Variants in DAB2IP observed in about 807,000 individuals in gnomAD.
The protein encoded by DAB2IP is DAB2 interacting protein.
DAB2IP carries 28 observed loss-of-function variants against 107.2 expected under a neutral mutation model. That is an observed-to-expected ratio of 0.26 (90% CI 0.19 to 0.36). DAB2IP has a LOEUF of 0.36. DAB2IP is among the 10% of genes least tolerant of loss of function. DAB2IP has a pLI of 1.00. For missense variants in DAB2IP, 1,400 were observed against 1,644.7 expected (o/e 0.85, Z 2.57); for synonymous variants, 755 against 706.4 (o/e 1.07, Z -1.09).
At position 121,699,300 on chromosome 9, in the gene DAB2IP, C is replaced by G; in HGVS notation, c.229-25C>G. ...CGCCGCGCTAACCCCGCCTCCCCTT[C>G]CCCCTCTTGTCCCCCCGTGCGCAGG... On this transcript the variant is annotated intron_variant, in intron 2 of 15. Transcript: ENST00000408936. This position sits in a 1 kb window ranked among gnomAD's most constrained non-coding sequence, Gnocchi z 6.2. 13 of 1,361,780 alleles carry G rather than the reference C, an allele frequency of 9.5e-6. No homozygotes were observed. Among genetic ancestry groups the G allele is most frequent in the Admixed American group, 2.3e-5 (1 of 43,594 alleles). The allele number at this position is 1,361,780 out of a possible 1,614,324, so 84.4% of individuals were successfully genotyped here.
chr9:121,578,415 T>G (rs775820486), intron 1 of DAB2IP, among the ~76,000 whole-genome samples: 1 of 151,944 alleles, frequency 6.6e-6, no homozygotes, highest in Non-Finnish European at 1.5e-5. Flanking sequence ...CCCAGCAGAA[T>G]GGGGAACACA....
chr9:121,597,176 GA>G (rs1830548545), intron 1 of DAB2IP, among the ~76,000 whole-genome samples: 1 of 152,070 alleles, frequency 6.6e-6, no homozygotes, highest in South Asian at 2.1e-4. Context: ...TAAATGTATT[GA>G]TGTTTTTCTT....
chr9:121,743,335 T>C (rs756241591), intron 3 of DAB2IP, among the ~76,000 whole-genome samples: 6 of 152,226 alleles, frequency 3.9e-5, no homozygotes, highest in Admixed American at 6.5e-5. Flanking sequence ...GGGACCTTCG[T>C]GGACTTTGAA....
intron 1 of DAB2IP, among the ~76,000 whole-genome samples, chr9:121,588,990 C>T (rs1830368662): frequency 6.6e-6 from 1 of 152,014 alleles, no homozygotes; most frequent in African/African-American, 2.4e-5. Context: ...AAACCCAAGG[C>T]ATTCCCCTCC....
At chr9:121,626,886 A>T (rs1462370002) in intron 1 of DAB2IP, among the ~76,000 whole-genome samples, 4 of 151,570 alleles carry the variant, frequency 2.6e-5, no homozygotes, top group Non-Finnish European at 4.4e-5. Context: ...TCTATTTTTT[A>T]AAAAATAGCC....
Position 121,701,176 on chromosome 9 carries a change from T to C in DAB2IP, c.362+1718T>C, listed in dbSNP as rs1357238564. Among the ~76,000 whole-genome samples, 1 of 152,204 alleles carries C rather than the reference T, an allele frequency of 6.6e-6. No individual in the cohort carries two copies. The highest frequency in any genetic ancestry group is 1.9e-4 in the East Asian group (1 of 5,186). On this transcript the variant is annotated intron_variant, in intron 3 of 15. Transcript: ENST00000408936. The surrounding 1 kb of genome is among the most constrained non-coding windows in gnomAD (Gnocchi z 4.7). Reference sequence around the variant, plus strand: ...GGGGAGCAGGAGAGACAACAGGCAGTCCGGCTTCTGAGTGTGTCTGCTCTC... The same window carrying C: ...GGGGAGCAGGAGAGACAACAGGCAGCCCGGCTTCTGAGTGTGTCTGCTCTC...
chr9:121,734,884 T>A (rs1831782066), intron 3 of DAB2IP, among the ~76,000 whole-genome samples: 1 of 152,196 alleles, frequency 6.6e-6, no homozygotes, highest in African/African-American at 2.4e-5. Context: ...CTTGCCTGTT[T>A]GTTGCCATGA....
In DAB2IP at chr9:121,782,737, T is replaced by A; in HGVS notation, c.*239T>A. The A allele has an allele frequency of 7.3e-7, 1 of 1,372,220 alleles. No homozygotes were observed. Among genetic ancestry groups the A allele is most frequent in the Non-Finnish European group, 9.4e-7 (1 of 1,063,200 alleles). The allele number at this position is 1,372,220 out of a possible 1,614,324, so 85.0% of individuals were successfully genotyped here. A position where few individuals can be genotyped will look rare whatever the true frequency, so the allele number is the denominator to read the frequency against. ...GGTGCGGGCAGAAGAGACTGCACGC[T>A]GGGGAGTGGGGACAGCCTGATGGGG... On this transcript the variant is annotated 3_prime_UTR_variant, in exon 16 of 16. Coordinates refer to ENST00000408936, the Ensembl canonical transcript of DAB2IP. The surrounding 1 kb of genome is among the most constrained non-coding windows in gnomAD (Gnocchi z 6.1).
chr9:121,785,199 C>G (rs1374303470), exon 16 of DAB2IP: 1 of 152,672 alleles, frequency 6.5e-6, no homozygotes, highest in Admixed American at 6.5e-5. Flanking sequence ...GCCCCGGTCC[C>G]CCAGAGCATC....
chr9:121,749,943 C>T (rs1832986734), intron 3 of DAB2IP, among the ~76,000 whole-genome samples: 1 of 152,184 alleles, frequency 6.6e-6, no homozygotes, highest in South Asian at 2.1e-4. Context: ...GCATCGTTCA[C>T]CAGTGTTGTT....
intron 1 of DAB2IP, chr9:121,575,459 G>C (rs1489082506): frequency 6.6e-6 from 1 of 152,112 alleles, no homozygotes; most frequent in Non-Finnish European, 1.5e-5. Flanking sequence ...GCATGATCCG[G>C]GTCCCCTAAG....
intron 1 of DAB2IP, among the ~76,000 whole-genome samples, chr9:121,664,400 T>G (rs973607036): frequency 6.6e-5 from 10 of 152,256 alleles, no homozygotes; most frequent in African/African-American, 2.4e-4. Flanking sequence ...CATCTAAATT[T>G]AAAATTCATC....
At chr9:121,674,127 C>T (rs1369840094) in intron 1 of DAB2IP, among the ~76,000 whole-genome samples, 2 of 152,156 alleles carry the variant, frequency 1.3e-5, no homozygotes, top group Non-Finnish European at 2.9e-5. Context: ...TGCTGGGAGG[C>T]AAAGGTCCAG....
chr9:121,605,314 C>T (rs147399790), intron 1 of DAB2IP, among the ~76,000 whole-genome samples: 19 of 152,182 alleles, frequency 1.2e-4, no homozygotes, highest in African/African-American at 4.3e-4. Context: ...CCACCATGCC[C>T]GGTCCCATCA....
At chr9:121,680,835 C>A (rs752106644) in intron 2 of DAB2IP, among the ~76,000 whole-genome samples, 1 of 151,604 alleles carries the variant, frequency 6.6e-6, no homozygotes, top group Non-Finnish European at 1.5e-5. Context: ...CTCTGCCTCC[C>A]GGGTTCAAAT....
intron 1 of DAB2IP, among the ~76,000 whole-genome samples, chr9:121,570,971 C>T (rs1228120924): frequency 1.3e-5 from 2 of 152,060 alleles, no homozygotes; most frequent in Admixed American, 6.5e-5. Context: ...TCCTCTGCTC[C>T]TTCATGATTG....
In DAB2IP at chr9:121,776,680, A is replaced by G. The variant is rs1835222417; in HGVS notation, c.3314+289A>G. Among the ~76,000 whole-genome samples the G allele has an allele frequency of 6.6e-6, 1 of 152,120 alleles. No homozygotes were observed. The highest frequency in any genetic ancestry group is 1.5e-5 in the Non-Finnish European group (1 of 68,000). On this transcript the variant is annotated intron_variant, in intron 14 of 15. Transcript: ENST00000408936. The surrounding 1 kb of genome is among the most constrained non-coding windows in gnomAD (Gnocchi z 5.4). The stretch of plus-strand genomic sequence containing the variant: ...CTACAAGGAGCCATACCATCTTAGT[A>G]AGCACTCTCAGGGGCGCTGAGAAGC...
chr9:121,744,873 G>T (rs1035856216), intron 3 of DAB2IP, among the ~76,000 whole-genome samples: 1 of 152,178 alleles, frequency 6.6e-6, no homozygotes, highest in Non-Finnish European at 1.5e-5. Context: ...TTTGAGCCAG[G>T]CGTAGACGGA....
At chr9:121,610,004 G>C (rs1456365156) in intron 1 of DAB2IP, among the ~76,000 whole-genome samples, 1 of 152,186 alleles carries the variant, frequency 6.6e-6, no homozygotes, top group Non-Finnish European at 1.5e-5. Flanking sequence ...CTCTGGATAG[G>C]GGAGGATGCC....
Sources: gnomAD v4.1 joint callset for allele counts (sites outside exome capture counted in the v4.1 genomes callset) on GRCh38, gnomAD v4.1.1 for gene constraint, Gnocchi (gnomAD v3.1) non-coding constraint, MANE v1.5 for transcripts, NCBI Gene and HGNC (gene_info 2026-07-23, HGNC 2026-07-21) for gene names.